Variants in C3orf70 observed in about 807,000 individuals in gnomAD.
C3orf70 encodes chromosome 3 open reading frame 70.
C3orf70 carries 15 observed loss-of-function variants against 20.7 expected under a neutral mutation model. The ratio of observed to expected loss-of-function variants is 0.72; its 90% confidence interval spans 0.48 to 1.11. The LOEUF is 1.11. C3orf70 is among the 50% of genes most tolerant of loss of function. The pLI, the probability that C3orf70 is intolerant of heterozygous loss-of-function variation, is 0.00. For missense variants in C3orf70, 332 were observed against 317.6 expected (o/e 1.05, Z -0.34); for synonymous variants, 161 against 125.7 (o/e 1.28, Z -1.88).
At chr3:185,108,871 G>T (rs986778950) in intron 1 of C3orf70, among the ~76,000 whole-genome samples, 3 of 152,168 alleles carry the variant, frequency 2.0e-5, no homozygotes, top group Admixed American at 1.3e-4. Flanking sequence ...CACTTTGTCT[G>T]GGCTACATGC....
intron 1 of C3orf70, among the ~76,000 whole-genome samples, chr3:185,090,541 T>C (rs1715544320): frequency 6.6e-6 from 1 of 152,138 alleles, no homozygotes; most frequent in Non-Finnish European, 1.5e-5. Flanking sequence ...GAAAGGTAAA[T>C]CTACTGAAAA....
At position 185,126,663 on chromosome 3, in the gene C3orf70, T is replaced by C. The variant is rs142322305; in HGVS notation, c.196+25965A>G. ...ATTATCTTCATTTACATTAATGACA[T>C]GGGTTTCTTTGCTTTAAGTGAAACA... On this transcript the variant is annotated intron_variant, in intron 1 of 1. Coordinates refer to ENST00000335012, the MANE Select transcript of C3orf70 (RefSeq NM_001025266.3). Among the ~76,000 whole-genome samples, 527 of 152,332 alleles carry C rather than the reference T, an allele frequency of 3.5e-3. 4 individuals carry two copies. Among genetic ancestry groups the C allele is most frequent in the African/African-American group, 0.012 (512 of 41,580 alleles).
intron 1 of C3orf70, among the ~76,000 whole-genome samples, chr3:185,084,260 TTG>T (rs1715415260): frequency 6.6e-6 from 1 of 152,152 alleles, no homozygotes; most frequent in South Asian, 2.1e-4. Flanking sequence ...CTAATAATGT[TTG>T]TGTTAATGTA....
chr3:185,085,587 G>A (rs1180639609), intron 1 of C3orf70, among the ~76,000 whole-genome samples: 1 of 152,148 alleles, frequency 6.6e-6, no homozygotes, highest in Non-Finnish European at 1.5e-5. Flanking sequence ...AAAACGCATT[G>A]AGAAGAACCC....
intron 1 of C3orf70, among the ~76,000 whole-genome samples, chr3:185,106,519 C>G (rs966684832): frequency 2.0e-5 from 3 of 152,182 alleles, no homozygotes; most frequent in African/African-American, 7.2e-5. Context: ...TGAAATATGT[C>G]CAAAATGTAA....
At chr3:185,098,280 G>A (rs902279803) in intron 1 of C3orf70, among the ~76,000 whole-genome samples, 2 of 152,186 alleles carry the variant, frequency 1.3e-5, no homozygotes, top group Non-Finnish European at 2.9e-5. Flanking sequence ...TATACTAATA[G>A]ATAATAAATG....
At chr3:185,150,896 T>A (rs1174880864) in intron 1 of C3orf70, among the ~76,000 whole-genome samples, 1 of 152,220 alleles carries the variant, frequency 6.6e-6, no homozygotes, top group East Asian at 1.9e-4. Context: ...AAGAGAAAGA[T>A]GATCACTAGC....
intron 1 of C3orf70, among the ~76,000 whole-genome samples, chr3:185,136,196 A>G (rs1456382090): frequency 6.6e-6 from 1 of 152,254 alleles, no homozygotes; most frequent in Non-Finnish European, 1.5e-5. Flanking sequence ...ACAGAAAAGA[A>G]AATTACCAGA....
chr3:185,092,123 A>G (rs1715604756), intron 1 of C3orf70, among the ~76,000 whole-genome samples: 1 of 151,098 alleles, frequency 6.6e-6, no homozygotes, highest in South Asian at 2.1e-4. Context: ...GAAATTGTTT[A>G]TCTCATATTT....
chr3:185,137,021 T>C (rs1245145339), intron 1 of C3orf70, among the ~76,000 whole-genome samples: 1 of 152,178 alleles, frequency 6.6e-6, no homozygotes, highest in Non-Finnish European at 1.5e-5. Flanking sequence ...ACCCCTCTGA[T>C]ATGGTTTGGT....
At chr3:185,132,354 T>A (rs995791805) in intron 1 of C3orf70, among the ~76,000 whole-genome samples, 1 of 151,322 alleles carries the variant, frequency 6.6e-6, no homozygotes, top group Non-Finnish European at 1.5e-5. Context: ...AACAAGTAAC[T>A]ATTAAAAATG....
At position 185,076,957 on chromosome 3, in the gene C3orf70, T is replaced by C. The variant is rs571524966; in HGVS notation, c.*6050A>G. Among the ~76,000 whole-genome samples, 2 of 152,274 alleles carry C rather than the reference T, an allele frequency of 1.3e-5. No homozygotes were observed. The highest frequency in any genetic ancestry group is 3.9e-4 in the East Asian group (2 of 5,178). On this transcript the variant is annotated 3_prime_UTR_variant, in exon 2 of 2. Coordinates refer to ENST00000335012, the MANE Select transcript of C3orf70 (RefSeq NM_001025266.3). ...ACAATTAGGTAGAGAGTTAAAACAG[T>C]AGAGTGCACACGCAGATGAGATGCG... is the stretch of plus-strand genomic sequence containing the variant.
At chr3:185,121,205 C>G (rs138517804) in intron 1 of C3orf70, among the ~76,000 whole-genome samples, 1 of 151,982 alleles carries the variant, frequency 6.6e-6, no homozygotes, top group Non-Finnish European at 1.5e-5. Context: ...AAGAATGATA[C>G]AATGGACATT....
rs767680278 is a variant in C3orf70, at chr3:185,083,597, A to G, written c.197-34T>C. The G allele has an allele frequency of 1.2e-5, 18 of 1,516,362 alleles. No individual in the cohort carries two copies. The African/African-American group carries it at 2.2e-4, about 19-fold the overall frequency. The allele number at this position is 1,516,362 out of a possible 1,614,324, so 93.9% of individuals were successfully genotyped here. A position where few individuals can be genotyped will look rare whatever the true frequency, so the allele number is the denominator to read the frequency against. On this transcript the variant is annotated intron_variant, in intron 1 of 1. Transcript: ENST00000335012. ...ACACAAAAAGACACTTGAAATCTAT[A>G]TTACACAAACTATATTAACATGGCC... is the stretch of plus-strand genomic sequence containing the variant.
At chr3:185,110,991 G>A (rs1716059589) in intron 1 of C3orf70, among the ~76,000 whole-genome samples, 1 of 152,164 alleles carries the variant, frequency 6.6e-6, no homozygotes, top group Admixed American at 6.5e-5. Context: ...CTGTGTGTGT[G>A]TCTTTAATTC....
rs1443904786 is a variant in C3orf70 at position 185,082,255 on chromosome 3, C to A, written c.*752G>T. ...AATGTGTCATATATAGGACTGTGGG[C>A]CCCTTCATGGTGGGAATCAGGTCTT... On this transcript the variant is annotated 3_prime_UTR_variant, in exon 2 of 2. Transcript: ENST00000335012. 1 of 152,206 alleles carries A rather than the reference C, an allele frequency of 6.6e-6. No homozygotes were observed. The highest frequency in any genetic ancestry group is 2.4e-5 in the African/African-American group (1 of 41,438). 9.4% of individuals were successfully genotyped at this position (152,206 alleles called of 1,614,324 possible). A position where few individuals can be genotyped will look rare whatever the true frequency, so the allele number is the denominator to read the frequency against.
Position 185,110,749 on chromosome 3 carries a change from C to T in C3orf70, c.197-27186G>A, listed in dbSNP as rs568252785. On this transcript the variant is annotated intron_variant, in intron 1 of 1. Transcript: ENST00000335012. ...CTTAAGCCACAAACAATAGCATGAG[C>T]GATCTGTGCCTTAAGGACATGCTCC... Among the ~76,000 whole-genome samples the T allele has an allele frequency of 2.0e-3, 312 of 152,342 alleles. 2 individuals are homozygous for T. Among genetic ancestry groups the T allele is most frequent in the Non-Finnish European group, 3.2e-3 (218 of 68,030 alleles).
chr3:185,110,952 C>T (rs949915137), intron 1 of C3orf70, among the ~76,000 whole-genome samples: 3 of 152,168 alleles, frequency 2.0e-5, no homozygotes, highest in Non-Finnish European at 4.4e-5. Flanking sequence ...TGTGAGACCC[C>T]TGATTTCCCA....
chr3:185,093,904 T>A (rs777342199), intron 1 of C3orf70, among the ~76,000 whole-genome samples: 1 of 151,884 alleles, frequency 6.6e-6, no homozygotes, highest in Non-Finnish European at 1.5e-5. Flanking sequence ...GGGGATTGGT[T>A]CGAGGACCAC....
Sources: allele counts gnomAD v4.1 joint callset (sites outside exome capture counted in the v4.1 genomes callset), GRCh38; gene constraint gnomAD v4.1.1; transcripts MANE v1.5; gene names NCBI Gene and HGNC (gene_info 2026-07-23, HGNC 2026-07-21).